Variants in UBXN10 observed in about 807,000 individuals in gnomAD.
UBXN10 encodes the protein UBX domain-containing protein 10.
UBXN10 carries 6 observed loss-of-function variants against 6.9 expected under a neutral mutation model. The observed-to-expected ratio is 0.87, with a 90% CI of 0.48 to 1.72. The LOEUF is 1.72. Ranked by LOEUF, UBXN10 falls within the 40% of genes most tolerant of loss-of-function variation. The pLI, the probability that UBXN10 is intolerant of heterozygous loss-of-function variation, is 0.01. For synonymous variants in UBXN10, 131 were observed against 135.2 expected, an observed-to-expected ratio of 0.97 and a Z score of 0.21; for missense variants, 317 against 348.4, an observed-to-expected ratio of 0.91 and a Z score of 0.72.
rs2018589002 is a variant in UBXN10 at position 20,195,892 on chromosome 1, T to C, written c.*4488T>C. On this transcript the variant is annotated 3_prime_UTR_variant, in exon 2 of 2. Transcript: ENST00000375099. The stretch of plus-strand genomic sequence containing the variant: ...AAATCCTTGTTCTAGTTAAATACAC[T>C]GTTTATCTCTATCTCCTGTCCTTCA... 6.0e-6 allele frequency: 1 copy of C among 167,104 alleles called. No homozygotes were observed. The highest frequency in any genetic ancestry group is 1.5e-5 in the Non-Finnish European group (1 of 68,114). 10.4% of individuals were successfully genotyped at this position (167,104 alleles called of 1,614,324 possible). A position where few individuals can be genotyped will look rare whatever the true frequency, so the allele number is the denominator to read the frequency against.
At chr1:20,185,123 G>T (rs1033464910), upstream of UBXN10, among the ~76,000 whole-genome samples, 2 of 152,116 alleles carry the variant, frequency 1.3e-5, no homozygotes, top group African/African-American at 2.4e-5. Flanking sequence ...GTGAAGGGGC[G>T]AGACCCTGTC....
chr1:20,189,224 G>A (rs562226175), intron 1 of UBXN10, among the ~76,000 whole-genome samples: 2 of 152,088 alleles, frequency 1.3e-5, no homozygotes, highest in East Asian at 3.9e-4. Context: ...TGAATCACTG[G>A]AAAGTCACCA....
chr1:20,191,403 G>T lies in UBXN10; in HGVS notation c.842G>T (p.Ter281LeuextTer12). 1.2e-6 allele frequency: 2 copies of T among 1,607,142 alleles called. No homozygotes were observed. Among genetic ancestry groups the T allele is most frequent in the Middle Eastern group, 3.3e-4 (2 of 6,038 alleles). ...CTGGAAGATGGGGAAGGGTGGCCCT[G>T]AGTCCACAGCCACCCAGCTGAGGTC... ...ISLEDGEGWP[*>L] The change falls in exon 2 of 2, where the codon TGA becomes TTA. Residue 281 changes from the stop codon to leucine, a stop_lost. Transcript: ENST00000375099. This position sits in a 1 kb window ranked among gnomAD's most constrained non-coding sequence, Gnocchi z 4.5.
At position 20,191,869 on chromosome 1, in the gene UBXN10, T is replaced by C; in HGVS notation, c.*465T>C. 1.2e-5 allele frequency: 2 copies of C among 169,972 alleles called. No homozygotes were observed. 10.5% of individuals were successfully genotyped at this position (169,972 alleles called of 1,614,324 possible). ...AGTGTAGGAACTATCTAACTGGCATTTGTGTTTCTTGCGAGTATTTTGAAG... is the reference window on the plus strand; with the variant it reads ...AGTGTAGGAACTATCTAACTGGCATCTGTGTTTCTTGCGAGTATTTTGAAG... On this transcript the variant is annotated 3_prime_UTR_variant, in exon 2 of 2. Coordinates refer to ENST00000375099, the MANE Select transcript of UBXN10 (RefSeq NM_152376.5). This position sits in a 1 kb window ranked among gnomAD's most constrained non-coding sequence, Gnocchi z 4.5.
chr1:20,183,494 G>A (rs2018309135), upstream of UBXN10, among the ~76,000 whole-genome samples: 1 of 152,222 alleles, frequency 6.6e-6, no homozygotes. Context: ...GGGGAACCCT[G>A]AGGCTCCACT....
At position 20,194,937 on chromosome 1, in the gene UBXN10, A is replaced by T. The variant is rs1426537074; in HGVS notation, c.*3533A>T. ...AGTAAAGTTAAAAGTTCACGAGCCTATTGACTCTCATCCAGAAACCAGAAC... is the reference window on the plus strand; with the variant it reads ...AGTAAAGTTAAAAGTTCACGAGCCTTTTGACTCTCATCCAGAAACCAGAAC... On this transcript the variant is annotated 3_prime_UTR_variant, in exon 2 of 2. Transcript: ENST00000375099. The T allele has an allele frequency of 6.0e-6, 1 of 167,118 alleles. No individual in the cohort carries two copies. Among genetic ancestry groups the T allele is most frequent in the Middle Eastern group, 3.1e-3 (1 of 318 alleles). The allele number at this position is 167,118 out of a possible 1,614,324, so 10.4% of individuals were successfully genotyped here.
rs534678159 is a variant in UBXN10, at chr1:20,191,308, G to A, written c.747G>A (p.Arg249=). ...CSIETMEVPR[R]RFSDLTKSLQ... Reference sequence around the variant, plus strand: ...TTGAAACAATGGAGGTGCCCAGGAGGCGATTTTCTGACCTCACCAAATCTC... The same window carrying A: ...TTGAAACAATGGAGGTGCCCAGGAGACGATTTTCTGACCTCACCAAATCTC... Residue 249 remains arginine, a synonymous_variant, in exon 2 of 2, where the codon AGG becomes AGA. Coordinates refer to ENST00000375099, the MANE Select transcript of UBXN10 (RefSeq NM_152376.5). The surrounding 1 kb of genome is among the most constrained non-coding windows in gnomAD (Gnocchi z 4.5). The A allele has an allele frequency of 1.8e-5, 29 of 1,614,204 alleles. No homozygotes were observed. The highest frequency in any genetic ancestry group is 2.2e-5 in the Non-Finnish European group (26 of 1,180,034).
At position 20,195,438 on chromosome 1, in the gene UBXN10, G is replaced by A. The variant is rs1022868511; in HGVS notation, c.*4034G>A. Reference sequence around the variant, plus strand: ...GGAGGTATGAAGGTGACCAGAGAGAGGTGATGGTGGTTCGGGCCAGGGTGG... The same window carrying A: ...GGAGGTATGAAGGTGACCAGAGAGAAGTGATGGTGGTTCGGGCCAGGGTGG... On this transcript the variant is annotated 3_prime_UTR_variant, in exon 2 of 2. Transcript: ENST00000375099. The A allele has an allele frequency of 1.2e-5, 2 of 167,344 alleles. No homozygotes were observed. Among genetic ancestry groups the A allele is most frequent in the Non-Finnish European group, 1.5e-5 (1 of 68,268 alleles). 10.4% of individuals were successfully genotyped at this position (167,344 alleles called of 1,614,324 possible).
In UBXN10 at chr1:20,190,704, C is replaced by G. The variant is rs200664821; in HGVS notation, c.143C>G (p.Pro48Arg). Residue 48 changes from proline (P) to arginine (R), a missense_variant, in exon 2 of 2, where the codon CCG (proline) becomes CGG (arginine). By Grantham distance (103) the Pro-to-Arg change is moderately radical (BLOSUM62 -2). Coordinates refer to ENST00000375099, the MANE Select transcript of UBXN10 (RefSeq NM_152376.5). Reference protein sequence around the residue: ...RPKSAKGRTRPSLQKSQGVEV... With the variant: ...RPKSAKGRTRRSLQKSQGVEV... Reference sequence around the variant, plus strand: ...AAGTCCGCCAAGGGACGGACAAGACCGAGTCTGCAGAAATCCCAGGGCGTG... The same window carrying G: ...AAGTCCGCCAAGGGACGGACAAGACGGAGTCTGCAGAAATCCCAGGGCGTG... The G allele has an allele frequency of 3.1e-6, 5 of 1,614,122 alleles. No individual in the cohort carries two copies. Among genetic ancestry groups the G allele is most frequent in the Non-Finnish European group, 4.2e-6 (5 of 1,180,038 alleles).
At chr1:20,190,386 A>G (rs1166794585) in intron 1 of UBXN10, among the ~76,000 whole-genome samples, 161 bp from the exon 2 acceptor site, 1 of 152,216 alleles carries the variant, frequency 6.6e-6, no homozygotes, top group Non-Finnish European at 1.5e-5. Flanking sequence ...AAGTGCCTAA[A>G]ATAAATGAAT....
chr1:20,190,995 T>C lies in UBXN10; in HGVS notation c.434T>C (p.Ile145Thr). Reference protein sequence around the residue: ...KKASSLQLSSIRALYQDETGT... With the variant: ...KKASSLQLSSTRALYQDETGT... ...GCCAGCTCACTGCAACTGAGCAGTA[T>C]CCGGGCTCTTTACCAAGACGAGACG... Residue 145 changes from isoleucine (I) to threonine (T), a missense_variant, in exon 2 of 2, where the codon ATC becomes ACC. Physicochemically the swap from Ile to Thr is moderately conservative, Grantham distance 89. Transcript: ENST00000375099. 2 of 1,614,146 alleles carry C rather than the reference T, an allele frequency of 1.2e-6. No individual in the cohort carries two copies. The highest frequency in any genetic ancestry group is 1.7e-6 in the Non-Finnish European group (2 of 1,180,034).
Position 20,193,024 on chromosome 1 carries a change from C to T in UBXN10, c.*1620C>T, listed in dbSNP as rs1181645045. Reference sequence around the variant, plus strand: ...CAGCCATTCCTTTGATTGGAAAGGTCAGCTGGGGCCAGTGGTGCCTCAGGC... The same window carrying T: ...CAGCCATTCCTTTGATTGGAAAGGTTAGCTGGGGCCAGTGGTGCCTCAGGC... On this transcript the variant is annotated 3_prime_UTR_variant, in exon 2 of 2. Coordinates refer to ENST00000375099, the MANE Select transcript of UBXN10 (RefSeq NM_152376.5). 6.0e-6 allele frequency: 1 copy of T among 167,126 alleles called. No individual in the cohort carries two copies. Among genetic ancestry groups the T allele is most frequent in the Non-Finnish European group, 1.5e-5 (1 of 68,140 alleles). 10.4% of individuals were successfully genotyped at this position (167,126 alleles called of 1,614,324 possible).
rs1214237437 is a variant in UBXN10, at chr1:20,191,762, C to T, written c.*358C>T. On this transcript the variant is annotated 3_prime_UTR_variant, in exon 2 of 2. Coordinates refer to ENST00000375099, the MANE Select transcript of UBXN10 (RefSeq NM_152376.5). The surrounding 1 kb of genome is among the most constrained non-coding windows in gnomAD (Gnocchi z 4.5). The stretch of plus-strand genomic sequence containing the variant: ...TGCCTTTACAGTGAACTGTGATTCT[C>T]TCGAAGCCAATGCTTTCCTGTCTGT... 4.3e-6 allele frequency: 1 copy of T among 234,166 alleles called. No individual in the cohort carries two copies. Among genetic ancestry groups the T allele is most frequent in the Non-Finnish European group, 9.1e-6 (1 of 109,884 alleles). The allele number at this position is 234,166 out of a possible 1,614,324, so 14.5% of individuals were successfully genotyped here. A position where few individuals can be genotyped will look rare whatever the true frequency, so the allele number is the denominator to read the frequency against.
Position 20,196,017 on chromosome 1 carries a change from G to C in UBXN10, c.*4613G>C. 1 of 166,188 alleles carries C rather than the reference G, an allele frequency of 6.0e-6. No homozygotes were observed. 10.3% of individuals were successfully genotyped at this position (166,188 alleles called of 1,614,324 possible). A position where few individuals can be genotyped will look rare whatever the true frequency, so the allele number is the denominator to read the frequency against. On this transcript the variant is annotated 3_prime_UTR_variant, in exon 2 of 2. Coordinates refer to ENST00000375099, the MANE Select transcript of UBXN10 (RefSeq NM_152376.5). ...GAAGGCAAACAAAGCCATCATTCTG[G>C]GGCTTAATTAATAAAGCTCCTAGTT...
rs754107272 is a variant in UBXN10 at position 20,194,692 on chromosome 1, T to C, written c.*3288T>C. The C allele has an allele frequency of 1.2e-5, 2 of 167,126 alleles. No homozygotes were observed. Among genetic ancestry groups the C allele is most frequent in the Non-Finnish European group, 2.9e-5 (2 of 68,122 alleles). The allele number at this position is 167,126 out of a possible 1,614,324, so 10.4% of individuals were successfully genotyped here. On this transcript the variant is annotated 3_prime_UTR_variant, in exon 2 of 2. Transcript: ENST00000375099. ...ATGTCAAATAAAGCCACCCTGCCTC[T>C]TGGGACAAAGATGTTTCTCTTTACT... is the stretch of plus-strand genomic sequence containing the variant.
At chr1:20,186,909 C>T (rs150800377) in intron 1 of UBXN10, among the ~76,000 whole-genome samples, 38 of 112,028 alleles carry the variant, frequency 3.4e-4, no homozygotes, top group Admixed American at 2.3e-3. Flanking sequence ...TTGGGGGGGG[C>T]GGGATGGCAA....
chr1:20,190,535 C>G lies in UBXN10; in HGVS notation c.-15-12C>G. The G allele has an allele frequency of 1.9e-6, 3 of 1,580,360 alleles. No homozygotes were observed. Among genetic ancestry groups the G allele is most frequent in the Non-Finnish European group, 2.6e-6 (3 of 1,161,758 alleles). On this transcript the variant is annotated splice_polypyrimidine_tract_variant and intron_variant, in intron 1 of 1. Coordinates refer to ENST00000375099, the MANE Select transcript of UBXN10 (RefSeq NM_152376.5). ...TAACCCACGGACTCCTGTTTTTTTC[C>G]TGCTTCCTTAGGGGTCTTGAGAAGC...
At chr1:20,184,080 TAC>T (rs946189792), upstream of UBXN10, among the ~76,000 whole-genome samples, 2 of 152,204 alleles carry the variant, frequency 1.3e-5, no homozygotes, top group Non-Finnish European at 2.9e-5. Context: ...GGCTGGGCAT[TAC>T]ACAACACTGG....
chr1:20,195,084 A>C lies in UBXN10; in HGVS notation c.*3680A>C, dbSNP rs2018577285. The C allele has an allele frequency of 6.0e-6, 1 of 167,050 alleles. No homozygotes were observed. Among genetic ancestry groups the C allele is most frequent in the South Asian group, 2.1e-4 (1 of 4,822 alleles). The allele number at this position is 167,050 out of a possible 1,614,324, so 10.3% of individuals were successfully genotyped here. On this transcript the variant is annotated 3_prime_UTR_variant, in exon 2 of 2. Coordinates refer to ENST00000375099, the MANE Select transcript of UBXN10 (RefSeq NM_152376.5). ...ACACAACACTCATAAAACTAAAATT[A>C]GGTGTTTTATTTTTTGTCTACACGG...
Sources: allele counts gnomAD v4.1 joint callset (sites outside exome capture counted in the v4.1 genomes callset), GRCh38; gene constraint gnomAD v4.1.1; non-coding constraint Gnocchi (gnomAD v3.1); transcripts MANE v1.5; gene names NCBI Gene and HGNC (gene_info 2026-07-23, HGNC 2026-07-21).